IL1RAPL1: variants seen among roughly 807,000 people sequenced by gnomAD.
IL1RAPL1 encodes the protein interleukin 1 receptor accessory protein like 1, also known as interleukin-1 receptor accessory protein-like 1.
IL1RAPL1 carries 3 observed loss-of-function variants against 48.4 expected under a neutral mutation model. That is an observed-to-expected ratio of 0.06 (90% CI 0.03 to 0.16). IL1RAPL1 has a LOEUF of 0.16. IL1RAPL1 is among the 10% of genes least tolerant of loss of function. The pLI is 1.00. For synonymous variants in IL1RAPL1, 185 were observed against 187.7 expected (o/e 0.99, Z 0.12); for missense variants, 349 against 530.6 (o/e 0.66, Z 3.36).
At chrX:29,197,493 A>G (rs1216464305) in intron 2 of IL1RAPL1, among the ~76,000 whole-genome samples, 1 of 111,335 alleles carries the variant, frequency 9.0e-6, no homozygotes, top group Non-Finnish European at 1.9e-5. Context: ...ATGGCCCACA[A>G]ATTTCTCTGC....
At chrX:29,708,506 C>G (rs1271267620) in intron 6 of IL1RAPL1, among the ~76,000 whole-genome samples, 1 of 111,977 alleles carries the variant, frequency 8.9e-6, no homozygotes, top group African/African-American at 3.2e-5. Flanking sequence ...GCTTACTTCA[C>G]TTAGCATAAT....
At chrX:29,127,733 G>A (rs761133610) in intron 2 of IL1RAPL1, among the ~76,000 whole-genome samples, 3 of 111,541 alleles carry the variant, frequency 2.7e-5, no homozygotes, top group Non-Finnish European at 5.6e-5. Context: ...TCCGAGGCGG[G>A]TGGATCATGA....
At chrX:29,748,903 T>G (rs1928395904) in intron 6 of IL1RAPL1, among the ~76,000 whole-genome samples, 1 of 111,934 alleles carries the variant, frequency 8.9e-6, no homozygotes, top group African/African-American at 3.2e-5. Context: ...TAAAAAAAAG[T>G]CATCTAAGAA....
At chrX:29,389,182 C>G (rs1339985844) in intron 3 of IL1RAPL1, among the ~76,000 whole-genome samples, 1 of 109,200 alleles carries the variant, frequency 9.2e-6, no homozygotes, top group Non-Finnish European at 1.9e-5. Flanking sequence ...CGGTGAAACC[C>G]CATCTCTACT....
chrX:29,053,600 T>A (rs1426558453), intron 2 of IL1RAPL1, among the ~76,000 whole-genome samples: 1 of 111,778 alleles, frequency 8.9e-6, no homozygotes, highest in African/African-American at 3.3e-5. Context: ...CCGACTAGTG[T>A]GAGATCAGTT....
At chrX:29,854,075 C>T (rs754573437) in intron 6 of IL1RAPL1, among the ~76,000 whole-genome samples, 1 of 112,105 alleles carries the variant, frequency 8.9e-6, no homozygotes, top group Admixed American at 9.5e-5. Context: ...TCCAAATTTT[C>T]GAGGTACGAA....
intron 1 of IL1RAPL1, among the ~76,000 whole-genome samples, chrX:28,686,995 C>A (rs1030227755): frequency 1.8e-5 from 2 of 111,831 alleles, no homozygotes; most frequent in African/African-American, 6.5e-5. Context: ...ATTTTTAGAG[C>A]TTATAAAGAA....
Position 29,764,074 on chromosome X carries a change from C to T in IL1RAPL1, c.778+95570C>T, listed in dbSNP as rs1353952468. ...TTTTAAAACAAAAAAGCCCTTAAAG[C>T]GTGCTATGAATAAAGTAGGAAACAA... On this transcript the variant is annotated intron_variant, in intron 6 of 10. Coordinates refer to ENST00000378993, the MANE Select transcript of IL1RAPL1 (RefSeq NM_014271.4). Among the ~76,000 whole-genome samples, 14 of 111,229 alleles carry T rather than the reference C, an allele frequency of 1.3e-4. No individual in the cohort carries two copies. The South Asian group carries it at 1.5e-3, about 12-fold the overall frequency.
intron 1 of IL1RAPL1, among the ~76,000 whole-genome samples, chrX:28,632,269 T>C (rs1416395389): frequency 9.0e-6 from 1 of 111,649 alleles, no homozygotes; most frequent in Non-Finnish European, 1.9e-5. Context: ...TGATCTTTAC[T>C]GTGTGTGTGC....
intron 2 of IL1RAPL1, among the ~76,000 whole-genome samples, chrX:29,040,207 A>G (rs188677324): frequency 8.9e-6 from 1 of 112,269 alleles, no homozygotes; most frequent in East Asian, 2.8e-4. Flanking sequence ...TTAGTCTATG[A>G]TAGCTTCTAC....
At chrX:29,879,385 G>A (rs1038104757) in intron 6 of IL1RAPL1, among the ~76,000 whole-genome samples, 2 of 101,529 alleles carry the variant, frequency 2.0e-5, no homozygotes, top group African/African-American at 7.8e-5. Flanking sequence ...GTGTGTGTGT[G>A]TGTGTGTGTG....
intron 2 of IL1RAPL1, among the ~76,000 whole-genome samples, chrX:28,869,960 A>G (rs1311087433): frequency 2.7e-5 from 3 of 111,707 alleles, no homozygotes; most frequent in African/African-American, 6.5e-5. Context: ...GAAATCATAT[A>G]TGGCCTTTTG....
intron 2 of IL1RAPL1, among the ~76,000 whole-genome samples, chrX:28,989,031 T>C (rs1295058835): frequency 8.9e-6 from 1 of 112,423 alleles, no homozygotes; most frequent in Non-Finnish European, 1.9e-5. Flanking sequence ...TGAAACACTA[T>C]CTCTTCTGTG....
chrX:29,293,934 A>G (rs987576245), intron 3 of IL1RAPL1, among the ~76,000 whole-genome samples: 3 of 111,223 alleles, frequency 2.7e-5, no homozygotes, highest in African/African-American at 6.5e-5. Context: ...AAAATTTGGG[A>G]TAAGTGATAA....
chrX:29,802,760 T>C (rs1278863722), intron 6 of IL1RAPL1, among the ~76,000 whole-genome samples: 3 of 21,713 alleles, frequency 1.4e-4, no homozygotes, highest in Admixed American at 4.2e-4. Flanking sequence ...TATATATATA[T>C]ATATATATAT....
intron 5 of IL1RAPL1, among the ~76,000 whole-genome samples, chrX:29,545,915 G>A (rs938424976): frequency 1.8e-5 from 2 of 111,693 alleles, no homozygotes; most frequent in African/African-American, 6.5e-5. Flanking sequence ...TCTCCCTTCT[G>A]AGTATTGCTT....
intron 5 of IL1RAPL1, among the ~76,000 whole-genome samples, chrX:29,424,378 TG>T (rs1304813945): frequency 9.2e-6 from 1 of 109,193 alleles, no homozygotes; most frequent in Non-Finnish European, 1.9e-5. Flanking sequence ...GATGTGACAG[TG>T]GACCCCAGAA....
At chrX:29,781,234 CTTG>C (rs1929329637) in intron 6 of IL1RAPL1, among the ~76,000 whole-genome samples, 1 of 112,141 alleles carries the variant, frequency 8.9e-6, no homozygotes, top group Non-Finnish European at 1.9e-5. Flanking sequence ...GCAATTCTCA[CTTG>C]TTGTGATTTA....
intron 6 of IL1RAPL1, among the ~76,000 whole-genome samples, chrX:29,674,855 T>C (rs1926232299): frequency 8.9e-6 from 1 of 112,139 alleles, no homozygotes. Context: ...TTGCTAAAGA[T>C]AATGGACTCC....
Sources: allele counts gnomAD v4.1 joint callset (sites outside exome capture counted in the v4.1 genomes callset), GRCh38; gene constraint gnomAD v4.1.1; transcripts MANE v1.5; gene names NCBI Gene and HGNC (gene_info 2026-07-23, HGNC 2026-07-21).